The following RPTOR variants were observed in gnomAD, a reference collection of about 807,000 sequenced individuals.
RPTOR encodes regulatory associated protein of MTOR complex 1, also known as regulatory-associated protein of mTOR.
A neutral mutation model predicts 169.9 loss-of-function variants in RPTOR; 21 were observed. The ratio of observed to expected loss-of-function variants is 0.12; its 90% CI spans 0.09 to 0.18. RPTOR has a LOEUF of 0.18. Among genes scored for constraint, RPTOR ranks in the 10% least tolerant of loss-of-function variants. RPTOR has a pLI of 1.00. For synonymous variants in RPTOR, 732 were observed against 753.2 expected, an observed-to-expected ratio of 0.97 and a Z score of 0.46; for missense variants, 1,133 against 1,855.9, an observed-to-expected ratio of 0.61 and a Z score of 7.16.
intron 4 of RPTOR, among the ~76,000 whole-genome samples, chr17:80,717,812 A>T (rs2066252166): frequency 6.6e-6 from 1 of 152,180 alleles, no homozygotes; most frequent in Non-Finnish European, 1.5e-5. Flanking sequence ...CTTAAGCAAA[A>T]TCCGGGCTCA....
Position 80,633,746 on chromosome 17 carries a change from A to G in RPTOR, c.265+7953A>G, listed in dbSNP as rs951661557. ...AATATTCCTTTCCTCGTGACTTTCAATTTCTTCATTTTGAACTCATGGCCT... is the reference window on the plus strand; with the variant it reads ...AATATTCCTTTCCTCGTGACTTTCAGTTTCTTCATTTTGAACTCATGGCCT... On this transcript the variant is annotated intron_variant, in intron 2 of 33. Transcript: ENST00000306801. This position sits in a 1 kb window ranked among gnomAD's most constrained non-coding sequence, Gnocchi z 4.1. Among the ~76,000 whole-genome samples the G allele has an allele frequency of 2.6e-5, 4 of 152,106 alleles. No homozygotes were observed. Among genetic ancestry groups the G allele is most frequent in the Non-Finnish European group, 4.4e-5 (3 of 68,034 alleles).
At chr17:80,623,369 A>G (rs1298603443) in intron 1 of RPTOR, among the ~76,000 whole-genome samples, 1 of 152,234 alleles carries the variant, frequency 6.6e-6, no homozygotes, top group Non-Finnish European at 1.5e-5. Context: ...ATCAATAAGA[A>G]ACTGTTATGG....
At chr17:80,930,127 C>T (rs1313620921) in intron 24 of RPTOR, among the ~76,000 whole-genome samples, 2 of 134,452 alleles carry the variant, frequency 1.5e-5, no homozygotes, top group Non-Finnish European at 3.2e-5. Flanking sequence ...AACTCATCCC[C>T]AGCTGCTCCT....
Position 80,844,830 on chromosome 17 carries a change from C to A in RPTOR, c.1213-1643C>A, listed in dbSNP as rs769346547. The stretch of plus-strand genomic sequence containing the variant: ...TCACTGGAACCCGGGGCACAGCCGA[C>A]CCCGGCCAGATGAGCGGAGGGAGGG... On this transcript the variant is annotated intron_variant, in intron 10 of 33. Transcript: ENST00000306801. This position sits in a 1 kb window ranked among gnomAD's most constrained non-coding sequence, Gnocchi z 4.7. Among the ~76,000 whole-genome samples the A allele has an allele frequency of 1.2e-4, 18 of 152,222 alleles. No homozygotes were observed. The highest frequency in any genetic ancestry group is 2.2e-4 in the Non-Finnish European group (15 of 68,042).
intron 33 of RPTOR, 53 bp from the exon 34 acceptor site, chr17:80,964,209 C>CCCCCG: frequency 1.1e-4 from 147 of 1,325,298 alleles, no homozygotes; most frequent in Middle Eastern, 3.6e-4. Flanking sequence ...CCCCGCCCCC[C>CCCCCG]GCAGTGTCTG....
chr17:80,835,992 C>A (rs1386996940), intron 9 of RPTOR, among the ~76,000 whole-genome samples: 2 of 152,146 alleles, frequency 1.3e-5, no homozygotes. Flanking sequence ...TTGTGTCAGC[C>A]GCTCTACGAG....
intron 7 of RPTOR, among the ~76,000 whole-genome samples, chr17:80,798,843 G>C (rs2067127371): frequency 6.6e-6 from 1 of 152,206 alleles, no homozygotes; most frequent in Admixed American, 6.5e-5. Context: ...TATTGGCAGA[G>C]CTGTCAGTGG....
chr17:80,753,428 A>T (rs1306504707), intron 5 of RPTOR, among the ~76,000 whole-genome samples: 2 of 151,928 alleles, frequency 1.3e-5, no homozygotes, highest in Non-Finnish European at 2.9e-5. Context: ...AGGTCAGGAG[A>T]TCGAGACCAT....
At chr17:80,850,757 G>A (rs2067785077) in intron 11 of RPTOR, among the ~76,000 whole-genome samples, 1 of 152,180 alleles carries the variant, frequency 6.6e-6, no homozygotes, top group African/African-American at 2.4e-5. Flanking sequence ...CTAGAGTGAT[G>A]TTATACATAC....
intron 1 of RPTOR, among the ~76,000 whole-genome samples, chr17:80,556,923 G>A (rs1477414488): frequency 3.3e-5 from 5 of 152,130 alleles, no homozygotes; most frequent in Non-Finnish European, 7.4e-5. Context: ...GCGAAACCCC[G>A]TCTCTACTAA....
Position 80,746,258 on chromosome 17 carries a change from CTGCGGG to C in RPTOR, c.655-7749_655-7744del, listed in dbSNP as rs2143296130. On this transcript the variant is annotated intron_variant, in intron 5 of 33. Coordinates refer to ENST00000306801, the MANE Select transcript of RPTOR (RefSeq NM_020761.3). This position sits in a 1 kb window ranked among gnomAD's most constrained non-coding sequence, Gnocchi z 4.5. ...CCCACCGCCCCCACAGCGGTGCTTT[CTGCGGG>C]TGATCCCCACCGCCCCCACAGCGGT... Among the ~76,000 whole-genome samples, 1 of 137,018 alleles carries C rather than the reference CTGCGGG, an allele frequency of 7.3e-6. No homozygotes were observed. The highest frequency in any genetic ancestry group is 7.1e-5 in the Admixed American group (1 of 14,168). The allele number at this position is 137,018 out of a possible 152,430, so 89.9% of individuals were successfully genotyped here.
intron 20 of RPTOR, among the ~76,000 whole-genome samples, chr17:80,906,958 G>T (rs2068551424): frequency 6.6e-6 from 1 of 152,206 alleles, no homozygotes; most frequent in African/African-American, 2.4e-5. Context: ...CGCCATATCT[G>T]GAGCTGAAGT....
intron 1 of RPTOR, among the ~76,000 whole-genome samples, chr17:80,563,245 G>A (rs2084524638): frequency 2.6e-5 from 4 of 151,774 alleles, no homozygotes; most frequent in Non-Finnish European, 5.9e-5. Context: ...TTTTGAGACA[G>A]GGCCTTGCTC....
At chr17:80,581,980 G>A (rs1217789873) in intron 1 of RPTOR, among the ~76,000 whole-genome samples, 2 of 152,200 alleles carry the variant, frequency 1.3e-5, no homozygotes, top group African/African-American at 4.8e-5. Context: ...GAAGGCTCTG[G>A]AGGAACTTGG....
chr17:80,877,139 G>A (rs2068129864), intron 13 of RPTOR, among the ~76,000 whole-genome samples: 2 of 152,176 alleles, frequency 1.3e-5, no homozygotes, highest in Non-Finnish European at 2.9e-5. Flanking sequence ...GCGCGTGTGT[G>A]GTTTCAAGTC....
intron 24 of RPTOR, among the ~76,000 whole-genome samples, chr17:80,937,623 G>T (rs2068970422): frequency 6.6e-6 from 1 of 152,208 alleles, no homozygotes; most frequent in Non-Finnish European, 1.5e-5. Flanking sequence ...CAGCCTCCAG[G>T]AGCTCTGTTT....
chr17:80,729,280 A>G (rs1026053140), intron 4 of RPTOR, among the ~76,000 whole-genome samples: 1 of 152,190 alleles, frequency 6.6e-6, no homozygotes, highest in African/African-American at 2.4e-5. Context: ...GCTAAGAAAT[A>G]AACTCACTTT....
At chr17:80,872,855 G>A (rs1371714505) in intron 13 of RPTOR, among the ~76,000 whole-genome samples, 1 of 152,198 alleles carries the variant, frequency 6.6e-6, no homozygotes, top group East Asian at 1.9e-4. Flanking sequence ...CTGTCTCTGT[G>A]TGGCAACTTC....
intron 33 of RPTOR, 59 bp from the exon 34 acceptor site, chr17:80,964,203 G>GC (rs1173449349): frequency 8.4e-5 from 43 of 512,922 alleles, no homozygotes; most frequent in Non-Finnish European, 1.3e-4. Context: ...GCGCCCCCCC[G>GC]CCCCCCGCAG....
Sources: allele counts gnomAD v4.1 joint callset (sites outside exome capture counted in the v4.1 genomes callset), GRCh38; gene constraint gnomAD v4.1.1; non-coding constraint Gnocchi (gnomAD v3.1); transcripts MANE v1.5; gene names NCBI Gene and HGNC (gene_info 2026-07-23, HGNC 2026-07-21).